COL5A1: variants seen among roughly 807,000 people sequenced by gnomAD.
COL5A1 encodes the protein collagen alpha-1(V) chain.
A neutral mutation model predicts 263.7 loss-of-function variants in COL5A1; 16 were observed. The ratio of observed to expected loss-of-function variants is 0.06; its 90% CI spans 0.04 to 0.09. The LOEUF (loss-of-function observed/expected upper bound fraction) is 0.09. Among genes scored for constraint, COL5A1 ranks in the 10% least tolerant of loss-of-function variants. The pLI is 1.00. For synonymous variants in COL5A1, 1,012 were observed against 1,004.5 expected (o/e 1.01, Z -0.14); for missense variants, 2,036 against 2,540.5 (o/e 0.80, Z 4.27).
chr9:134,727,373 G>A lies in COL5A1; in HGVS notation c.762G>A (p.Ser254=), dbSNP rs767928508. 2.5e-6 allele frequency: 4 copies of A among 1,613,928 alleles called. No individual in the cohort carries two copies. The highest frequency in any genetic ancestry group is 3.4e-6 in the Non-Finnish European group (4 of 1,179,988). The change falls in exon 5 of 66, where the codon TCG becomes TCA. Residue 254 remains serine, a synonymous_variant. Transcript: ENST00000371817. ...CCGCAGTACCTGACACCCCACAGTC[G>A]CAGGACCCCAATCCAGATGAATATG... ...CDTAVPDTPQ[S]QDPNPDEYYT... is the part of the protein sequence containing the mutation.
chr9:134,672,108 C>T (rs992198965), intron 1 of COL5A1, among the ~76,000 whole-genome samples: 1 of 152,244 alleles, frequency 6.6e-6, no homozygotes, highest in South Asian at 2.1e-4. Context: ...GGCCAAAGAT[C>T]CATGACTGTC....
At chr9:134,756,522 T>C (rs560820486) in intron 16 of COL5A1, among the ~76,000 whole-genome samples, 1 of 152,294 alleles carries the variant, frequency 6.6e-6, no homozygotes, top group Admixed American at 6.5e-5. Context: ...TTTGACAGTC[T>C]GGGATGACGT....
In COL5A1 at chr9:134,782,557, C is replaced by A. The variant is rs368084363; in HGVS notation, c.2431-110C>A. 169 of 1,050,852 alleles carry A rather than the reference C, an allele frequency of 1.6e-4. No individual in the cohort carries two copies. The African/African-American group carries it at 2.3e-3, about 14-fold the overall frequency. 65.1% of individuals were successfully genotyped at this position (1,050,852 alleles called of 1,614,324 possible). A position where few individuals can be genotyped will look rare whatever the true frequency, so the allele number is the denominator to read the frequency against. ...CCCCGTCCGGGCCATGTGCTGCCCC[C>A]CAAGCGTGGGGGACCTGGTGCTGAG... On this transcript the variant is annotated intron_variant, in intron 28 of 65. Transcript: ENST00000371817.
chr9:134,831,621 T>C (rs1839632005), intron 64 of COL5A1, among the ~76,000 whole-genome samples: 1 of 152,142 alleles, frequency 6.6e-6, no homozygotes, highest in Non-Finnish European at 1.5e-5. Context: ...GCAGGGTCCA[T>C]TCTGCAGTCT....
At position 134,760,855 on chromosome 9, in the gene COL5A1, C is replaced by T. The variant is rs111071551; in HGVS notation, c.1936-1070C>T. ...ATGCACACATGCATACACACATGCA[C>T]ACCACCCACACATGCACACAGACGC... On this transcript the variant is annotated intron_variant, in intron 18 of 65. Coordinates refer to ENST00000371817, the MANE Select transcript of COL5A1 (RefSeq NM_000093.5). 1.4e-4 allele frequency among the ~76,000 whole-genome samples: 21 copies of T among 147,364 alleles called. No homozygotes were observed. The South Asian group carries it at 4.4e-3, about 31-fold the overall frequency.
intron 19 of COL5A1, among the ~76,000 whole-genome samples, chr9:134,763,169 G>A (rs911177058): frequency 6.6e-6 from 1 of 152,208 alleles, no homozygotes; most frequent in Non-Finnish European, 1.5e-5. Flanking sequence ...CGGGCGGGAA[G>A]GTGCAGTGGT....
At chr9:134,761,540 T>C (rs1836444341) in intron 18 of COL5A1, among the ~76,000 whole-genome samples, 1 of 152,216 alleles carries the variant, frequency 6.6e-6, no homozygotes, top group Non-Finnish European at 1.5e-5. Context: ...GCGTGCGAGC[T>C]CTGAGGCTGC....
At chr9:134,817,716 G>A (rs771522976) in intron 53 of COL5A1, 62 bp from the exon 54 acceptor site, 31 of 1,516,930 alleles carry the variant, frequency 2.0e-5, no homozygotes, top group Middle Eastern at 1.7e-4. Flanking sequence ...GCCTGCACCC[G>A]AGCTCGTCCC....
chr9:134,760,230 A>G (rs111207697), intron 18 of COL5A1, among the ~76,000 whole-genome samples: 5,970 of 104,150 alleles, frequency 0.057, 616 homozygotes, highest in East Asian at 0.16. Context: ...CACCACATGC[A>G]CACACACGCA....
Position 134,829,008 on chromosome 9 carries a change from A to G in COL5A1, c.5068-968A>G, listed in dbSNP as rs573229266. 1.6e-4 allele frequency among the ~76,000 whole-genome samples: 25 copies of G among 152,100 alleles called. No homozygotes were observed. The East Asian group carries it at 4.4e-3, about 27-fold the overall frequency. On this transcript the variant is annotated intron_variant, in intron 63 of 65. Transcript: ENST00000371817. ...CCACACCATGCACGCGCACACACACACGCACACAGTCTGGTGCCGCAGCAG... is the reference window on the plus strand; with the variant it reads ...CCACACCATGCACGCGCACACACACGCGCACACAGTCTGGTGCCGCAGCAG...
intron 59 of COL5A1, 41 bp from the exon 60 acceptor site, chr9:134,822,957 G>C (rs756747277): frequency 6.2e-7 from 1 of 1,613,536 alleles, no homozygotes; most frequent in Non-Finnish European, 8.5e-7. Context: ...GGCTGGAGCT[G>C]AGACCCGGCT....
At position 134,765,006 on chromosome 9, in the gene COL5A1, G is replaced by C. The variant is rs1031806184; in HGVS notation, c.2035-675G>C. Among the ~76,000 whole-genome samples, 1 of 152,140 alleles carries C rather than the reference G, an allele frequency of 6.6e-6. No individual in the cohort carries two copies. The highest frequency in any genetic ancestry group is 2.4e-5 in the African/African-American group (1 of 41,428). The stretch of plus-strand genomic sequence containing the variant: ...GAAGCCTCTGTAATTCTCCGTGGGT[G>C]GGGGGTGTGAGTGCCCTGTGGCAGG... On this transcript the variant is annotated intron_variant, in intron 20 of 65. Coordinates refer to ENST00000371817, the MANE Select transcript of COL5A1 (RefSeq NM_000093.5). The surrounding 1 kb of genome is among the most constrained non-coding windows in gnomAD (Gnocchi z 5.1).
In COL5A1 at chr9:134,842,109, A is replaced by AC. The variant is rs764866892; in HGVS notation, c.5371-43dup. 2.0e-5 allele frequency: 32 copies of AC among 1,609,270 alleles called. 1 individual carries two copies. In the South Asian group the frequency reaches 3.3e-4, roughly 17 times the overall value. On this transcript the variant is annotated intron_variant, in intron 65 of 65. Transcript: ENST00000371817. The surrounding 1 kb of genome is among the most constrained non-coding windows in gnomAD (Gnocchi z 5.8). ...TGGGGGGTGATTGGTAAACCCCAAGACCCCCAACTGTTCTTAACCACCGGC... is the reference window on the plus strand; with the variant it reads ...TGGGGGGTGATTGGTAAACCCCAAGACCCCCCAACTGTTCTTAACCACCGGC...
At chr9:134,679,211 G>A (rs1391047709) in intron 1 of COL5A1, among the ~76,000 whole-genome samples, 2 of 152,084 alleles carry the variant, frequency 1.3e-5, no homozygotes, top group African/African-American at 2.4e-5. Context: ...CTACCACCCC[G>A]CAGTCCCTCC....
At chr9:134,784,341 G>A (rs1837369716) in intron 29 of COL5A1, among the ~76,000 whole-genome samples, 1 of 152,222 alleles carries the variant, frequency 6.6e-6, no homozygotes, top group Non-Finnish European at 1.5e-5. Context: ...ATCCATTGCT[G>A]GACAAAGAGT....
Position 134,836,678 on chromosome 9 carries a change from C to T in COL5A1, c.5370+1474C>T, listed in dbSNP as rs536490695. ...GCAGAGTGGACCTGGGTTCCAATCC[C>T]GCCTCCCCCTGCCCAGCATCGCTGC... On this transcript the variant is annotated intron_variant, in intron 65 of 65. Transcript: ENST00000371817. Among the ~76,000 whole-genome samples, 8 of 152,320 alleles carry T rather than the reference C, an allele frequency of 5.3e-5. No homozygotes were observed. In the South Asian group the frequency reaches 8.3e-4, roughly 16 times the overall value.
chr9:134,804,525 C>T (rs1431632304), intron 39 of COL5A1, among the ~76,000 whole-genome samples: 1 of 152,190 alleles, frequency 6.6e-6, no homozygotes, highest in East Asian at 1.9e-4. Flanking sequence ...TAGACGTGCC[C>T]TCAGCTCCCA....
chr9:134,733,850 C>T (rs1316301922), intron 9 of COL5A1, among the ~76,000 whole-genome samples: 2 of 152,246 alleles, frequency 1.3e-5, no homozygotes, highest in African/African-American at 4.8e-5. Flanking sequence ...TTTCCCCAGA[C>T]TTGGCCCCCA....
chr9:134,730,302 G>A lies in COL5A1; in HGVS notation c.991G>A (p.Glu331Lys). ...AACCAGTGAAGGGGCTGGGAAGGAA[G>A]AGGACGTCGGCATCGGGGACTATGA... ...PETSEGAGKE[E>K]DVGIGDYDYV... Residue 331 changes from glutamate (E) to lysine (K), a missense_variant, in exon 7 of 66, where the codon GAG becomes AAG. This residue lies in a region of COL5A1 where 600 missense variants were observed against 634.5 expected (regional missense o/e 0.95). Coordinates refer to ENST00000371817, the MANE Select transcript of COL5A1 (RefSeq NM_000093.5). 1 of 1,614,246 alleles carries A rather than the reference G, an allele frequency of 6.2e-7. No homozygotes were observed. The highest frequency in any genetic ancestry group is 8.5e-7 in the Non-Finnish European group (1 of 1,180,046).
Sources: gnomAD v4.1 joint callset for allele counts (sites outside exome capture counted in the v4.1 genomes callset) on GRCh38, gnomAD v4.1.1 for gene constraint, gnomAD v4.1.1 regional missense constraint, Gnocchi (gnomAD v3.1) non-coding constraint, MANE v1.5 for transcripts, NCBI Gene and HGNC (gene_info 2026-07-23, HGNC 2026-07-21) for gene names.